PWWP2A: variants seen among roughly 807,000 people sequenced by gnomAD.
PWWP2A encodes the protein PWWP domain containing 2A, also known as PWWP domain-containing protein 2A.
Under a neutral mutation model 48.5 loss-of-function variants are expected in PWWP2A, and 18 were observed. That is an observed-to-expected ratio of 0.37 (90% CI 0.26 to 0.55). The LOEUF (loss-of-function observed/expected upper bound fraction) is 0.55. Among genes scored for constraint, PWWP2A ranks in the 20% least tolerant of loss-of-function variants. The pLI, the probability that PWWP2A is intolerant of heterozygous loss-of-function variation, is 0.81. For missense variants in PWWP2A, 867 were observed against 976.4 expected (o/e 0.89, Z 1.49); for synonymous variants, 396 against 387.7 (o/e 1.02, Z -0.25).
At chr5:160,045,487 C>T in the PWWP2A span, among the ~76,000 whole-genome samples, 5,674 of 121,462 alleles carry the variant, frequency 0.047, 369 homozygotes, top group Admixed American at 0.1. Context: ...CACACACACA[C>T]ACACACACAC....
intron 2 of PWWP2A, among the ~76,000 whole-genome samples, chr5:160,082,873 T>C (rs1297161016): frequency 6.6e-6 from 1 of 152,132 alleles, no homozygotes; most frequent in Non-Finnish European, 1.5e-5. Flanking sequence ...AGAGAAAGCT[T>C]AAGTGCAACA....
chr5:160,095,787 T>C (rs1755589522), intron 1 of PWWP2A, among the ~76,000 whole-genome samples: 1 of 147,474 alleles, frequency 6.8e-6, no homozygotes, highest in African/African-American at 2.5e-5. Flanking sequence ...CTCGACCTCC[T>C]AGGCTCAAGC....
downstream of PWWP2A, among the ~76,000 whole-genome samples, chr5:160,058,409 C>CTTT (rs1171929571): frequency 6.9e-5 from 9 of 129,788 alleles, no homozygotes; most frequent in African/African-American, 8.5e-5. Context: ...AAGTGTATTT[C>CTTT]TTTTTTTTTT....
Position 160,092,013 on chromosome 5 carries a change from G to GATAT in PWWP2A, c.*365_*368dup, listed in dbSNP as rs138372919. The GATAT allele has an allele frequency of 7.1e-4, 228 of 321,820 alleles. 9 individuals carry two copies. The highest frequency in any genetic ancestry group is 3.9e-3 in the African/African-American group (126 of 32,218). The allele number at this position is 321,820 out of a possible 1,614,324, so 19.9% of individuals were successfully genotyped here. ...ATATGTGTGTATATATACATACACG[G>GATAT]ATATATATATATACACACACACACA... On this transcript the variant is annotated 3_prime_UTR_variant, in exon 2 of 2. Transcript: ENST00000307063.
chr5:160,045,524 T>TA, the PWWP2A span, among the ~76,000 whole-genome samples: 3 of 106,480 alleles, frequency 2.8e-5, no homozygotes, highest in Admixed American at 1.1e-4. Context: ...ATACACACTC[T>TA]CTCTCTCTCT....
At position 160,119,160 on chromosome 5, in the gene PWWP2A, CCCCCGGCGG is replaced by C; in HGVS notation, c.220_228del (p.Pro74_Gly76del). On this transcript the variant is annotated inframe_deletion, in exon 1 of 2. Transcript: ENST00000307063. ...ACCGCCTCTGGGCTGCGGGCGAGCT[CCCCCGGCGG>C]CGGCGGTGGCGGCGGGAGCGGCGGC... 6.5e-7 allele frequency: 1 copy of C among 1,532,552 alleles called. No homozygotes were observed. The highest frequency in any genetic ancestry group is 8.7e-7 in the Non-Finnish European group (1 of 1,155,682). 94.9% of individuals were successfully genotyped at this position (1,532,552 alleles called of 1,614,324 possible).
At chr5:160,067,331 A>G (rs1261718907) in intron 2 of PWWP2A, among the ~76,000 whole-genome samples, 1 of 152,174 alleles carries the variant, frequency 6.6e-6, no homozygotes, top group Non-Finnish European at 1.5e-5. Flanking sequence ...ATACAGATAG[A>G]CACCTTGAAA....
At chr5:160,117,602 AGAC>A (rs1758272061) in intron 1 of PWWP2A, among the ~76,000 whole-genome samples, 1 of 151,998 alleles carries the variant, frequency 6.6e-6, no homozygotes, top group Admixed American at 6.6e-5. Flanking sequence ...GGTTGCAGTG[AGAC>A]GATATGGCGC....
At chr5:160,076,417 C>G (rs1045061509) in exon 4 of PWWP2A, 10 of 152,122 alleles carry the variant, frequency 6.6e-5, no homozygotes, top group Non-Finnish European at 1.5e-5. Context: ...TGACCCAAAC[C>G]AAAGCCCTAG....
downstream of PWWP2A, among the ~76,000 whole-genome samples, chr5:160,087,226 T>A (rs1754707512): frequency 6.6e-6 from 1 of 152,066 alleles, no homozygotes; most frequent in South Asian, 2.1e-4. Flanking sequence ...TAAACATTTT[T>A]TAAAAATTAG....
chr5:160,101,692 T>C (rs990365295), intron 1 of PWWP2A, among the ~76,000 whole-genome samples: 4 of 151,400 alleles, frequency 2.6e-5, no homozygotes, highest in South Asian at 2.1e-4. Flanking sequence ...CTTTTAAAAA[T>C]GTGCATCTAA....
chr5:160,114,523 GA>G (rs1179426641), intron 1 of PWWP2A, among the ~76,000 whole-genome samples: 2 of 151,028 alleles, frequency 1.3e-5, no homozygotes, highest in Non-Finnish European at 2.9e-5. Flanking sequence ...GCACTTTTCA[GA>G]GGCCAAGGCG....
chr5:160,063,743 C>G (rs988594106), intron 4 of PWWP2A: 3 of 152,170 alleles, frequency 2.0e-5, no homozygotes, highest in African/African-American at 4.8e-5. Flanking sequence ...CCAAAATTTT[C>G]TGGAACATTC....
intron 1 of PWWP2A, among the ~76,000 whole-genome samples, chr5:160,109,391 T>G (rs913004001): frequency 6.6e-6 from 1 of 152,118 alleles, no homozygotes; most frequent in Non-Finnish European, 1.5e-5. Context: ...TTCAGGATTT[T>G]TCACTTTTTT....
chr5:160,064,606 G>A (rs577313903), intron 4 of PWWP2A, among the ~76,000 whole-genome samples: 1 of 152,308 alleles, frequency 6.6e-6, no homozygotes, highest in South Asian at 2.1e-4. Context: ...GGTTTTCCCA[G>A]AACTCACCCC....
At chr5:160,070,548 G>GT (rs1342263001) in intron 2 of PWWP2A, among the ~76,000 whole-genome samples, 1 of 152,198 alleles carries the variant, frequency 6.6e-6, no homozygotes, top group Non-Finnish European at 1.5e-5. Context: ...ACTGCAGCCA[G>GT]TTTGTTGTGG....
intron 1 of PWWP2A, among the ~76,000 whole-genome samples, chr5:160,099,482 C>T (rs1756029007): frequency 6.6e-6 from 1 of 152,082 alleles, no homozygotes; most frequent in African/African-American, 2.4e-5. Context: ...ATCTGTAATA[C>T]TATTCAAAAA....
rs554292854 is a variant in PWWP2A, at chr5:160,077,875, T to A, written c.*280A>T. On this transcript the variant is annotated 3_prime_UTR_variant, in exon 4 of 4. Transcript: ENST00000456329. This position sits in a 1 kb window ranked among gnomAD's most constrained non-coding sequence, Gnocchi z 4.2. ...GTTACTGTCAGTGTTTCTTCATATA[T>A]AAAATTCAAGTGAGTTCTTACGTGT... 1 of 362,152 alleles carries A rather than the reference T, an allele frequency of 2.8e-6. No homozygotes were observed. The highest frequency in any genetic ancestry group is 4.1e-5 in the Admixed American group (1 of 24,556). The allele number at this position is 362,152 out of a possible 1,614,324, so 22.4% of individuals were successfully genotyped here.
At chr5:160,060,700 A>G (rs1753352808), downstream of PWWP2A, among the ~76,000 whole-genome samples, 1 of 152,238 alleles carries the variant, frequency 6.6e-6, no homozygotes, top group Non-Finnish European at 1.5e-5. Context: ...CAGCAGGCAG[A>G]AAAACGTATG....
Sources: gnomAD v4.1 joint callset for allele counts (sites outside exome capture counted in the v4.1 genomes callset) on GRCh38, gnomAD v4.1.1 for gene constraint, Gnocchi (gnomAD v3.1) non-coding constraint, MANE v1.5 for transcripts, NCBI Gene and HGNC (gene_info 2026-07-23, HGNC 2026-07-21) for gene names.